The following PDZD2 variants were observed in gnomAD, a reference collection of about 807,000 sequenced individuals.
PDZD2 encodes the protein PDZ domain containing 2.
In PDZD2, 90 loss-of-function variants were observed where a neutral mutation model predicts 220.7. The ratio of observed to expected loss-of-function variants is 0.41; its 90% CI spans 0.34 to 0.49. PDZD2 has a LOEUF of 0.49. PDZD2 is among the 20% of genes least tolerant of loss of function. The probability of loss-of-function intolerance (pLI) is 0.28; values close to 1 mark genes in which losing one functional copy is unlikely to be tolerated. For synonymous variants in PDZD2, 1,375 were observed against 1,450.5 expected, an observed-to-expected ratio of 0.95 and a Z score of 1.18; for missense variants, 3,174 against 3,608.5, an observed-to-expected ratio of 0.88 and a Z score of 3.08.
chr5:31,727,694 T>C, intron 1 of PDZD2, among the ~76,000 whole-genome samples: 1 of 90,666 alleles, frequency 1.1e-5, no homozygotes, highest in African/African-American at 4.5e-5. Context: ...GTAGCAAAGC[T>C]CAATCTCAAA....
rs764152877 is a variant in PDZD2 at position 32,061,125 on chromosome 5, T to A, written c.2442T>A (p.Pro814=). ...GPVRLVIGRH[P]NPKVSEQEMD... The stretch of plus-strand genomic sequence containing the variant: ...TTCGCCTTGTCATCGGCCGGCACCC[T>A]AATCCAAAGGTGAGGTGGTCCACCC... Residue 814 remains proline (P), a synonymous_variant, in exon 14 of 25, where the codon CCT becomes CCA. Coordinates refer to ENST00000438447, the MANE Select transcript of PDZD2 (RefSeq NM_178140.4). The A allele has an allele frequency of 6.2e-7, 1 of 1,614,108 alleles. No homozygotes were observed. The highest frequency in any genetic ancestry group is 1.1e-5 in the South Asian group (1 of 91,082).
chr5:32,012,297 A>AT (rs1171750768), intron 6 of PDZD2, among the ~76,000 whole-genome samples: 1 of 152,052 alleles, frequency 6.6e-6, no homozygotes, highest in African/African-American at 2.4e-5. Flanking sequence ...GCACGTCTGC[A>AT]CCCCCTCTGC....
chr5:31,709,833 G>A lies in PDZD2; in HGVS notation c.-361+70396G>A, dbSNP rs1223323753. ...TAACCTGGCATGGTGGCACACGCCT[G>A]TAATCCCAGCTACTCGGGAGGCTGA... On this transcript the variant is annotated intron_variant, in intron 1 of 24. Coordinates refer to ENST00000438447, the MANE Select transcript of PDZD2 (RefSeq NM_178140.4). Among the ~76,000 whole-genome samples the A allele has an allele frequency of 5.9e-5, 9 of 152,222 alleles. No homozygotes were observed. The South Asian group carries it at 1.5e-3, about 25-fold the overall frequency.
intron 2 of PDZD2, among the ~76,000 whole-genome samples, chr5:31,931,460 A>G (rs62363766): frequency 0.095 from 14,419 of 152,182 alleles, 757 homozygotes; most frequent in African/African-American, 0.12. Flanking sequence ...GCCTGGCCGC[A>G]TAGTAGATTT....
At chr5:31,823,240 GT>G (rs1756011312) in intron 2 of PDZD2, 3 of 348,586 alleles carry the variant, frequency 8.6e-6, no homozygotes, top group South Asian at 7.1e-5. Context: ...GCCAAGGCAG[GT>G]AGATCACGAG....
rs368324876 is a variant in PDZD2 at position 32,074,659 on chromosome 5, T to C, written c.3537+16T>C. The C allele has an allele frequency of 1.4e-5, 22 of 1,547,260 alleles. No homozygotes were observed. The African/African-American group carries it at 2.6e-4, about 18-fold the overall frequency. On this transcript the variant is annotated intron_variant, in intron 18 of 24. Transcript: ENST00000438447. The stretch of plus-strand genomic sequence containing the variant: ...TGTGGAGAAGGTAACTGACTTTCTC[T>C]TAGTTACTTGGAATGGAAGTGCATG...
rs190502699 is a variant in PDZD2, at chr5:31,845,371, C to T, written c.476+45647C>T. 3.9e-5 allele frequency among the ~76,000 whole-genome samples: 6 copies of T among 152,322 alleles called. 1 individual carries two copies. The highest frequency in any genetic ancestry group is 7.2e-5 in the African/African-American group (3 of 41,566). The stretch of plus-strand genomic sequence containing the variant: ...AACCTAGGTCTTTCTTATTCCACTA[C>T]GTCTCCACACTGCCATATAACACAC... On this transcript the variant is annotated intron_variant, in intron 2 of 24. Transcript: ENST00000438447.
At chr5:31,673,061 A>T (rs1746277903) in intron 1 of PDZD2, among the ~76,000 whole-genome samples, 1 of 152,214 alleles carries the variant, frequency 6.6e-6, no homozygotes, top group South Asian at 2.1e-4. Flanking sequence ...AAAAGTGGCT[A>T]CTGCCCTGTA....
In PDZD2 at chr5:32,089,277, T is replaced by C. The variant is rs138539178; in HGVS notation, c.5829T>C (p.Pro1943=). The C allele has an allele frequency of 6.3e-5, 101 of 1,614,144 alleles. No individual in the cohort carries two copies. In the African/African-American group the frequency reaches 1.2e-3, roughly 19 times the overall value. The change falls in exon 20 of 25, where the codon CCT becomes CCC. Residue 1943 remains proline, a synonymous_variant. Coordinates refer to ENST00000438447, the MANE Select transcript of PDZD2 (RefSeq NM_178140.4). ...TCCATGTAGCCGACCACGAGGACCC[T>C]GACAGAAACACCACAGCTGCCCCCA... The part of the protein sequence containing the change: ...QRLHVADHED[P]DRNTTAAPRS...
intron 14 of PDZD2, among the ~76,000 whole-genome samples, chr5:32,067,787 T>C (rs960850807): frequency 6.6e-6 from 1 of 152,172 alleles, no homozygotes; most frequent in African/African-American, 2.4e-5. Context: ...ATGACAGTTA[T>C]GGATAACAAC....
rs556276502 is a variant in PDZD2 at position 32,014,706 on chromosome 5, C to CTTTTTTTTTTTTTTTTTTTTTTT, written c.1407+4230_1407+4252dup. ...ATTTTCTGCTCTGCAATGACAATTT[C>CTTTTTTTTTTTTTTTTTTTTTTT]TTTTTTTTTTTTTTTTTTTTTTTTT... On this transcript the variant is annotated intron_variant, in intron 6 of 24. Coordinates refer to ENST00000438447, the MANE Select transcript of PDZD2 (RefSeq NM_178140.4). 6.7e-4 allele frequency among the ~76,000 whole-genome samples: 64 copies of CTTTTTTTTTTTTTTTTTTTTTTT among 95,430 alleles called. 17 individuals are homozygous for CTTTTTTTTTTTTTTTTTTTTTTT. The highest frequency in any genetic ancestry group is 2.6e-3 in the African/African-American group (59 of 22,906). 62.6% of individuals were successfully genotyped at this position (95,430 alleles called of 152,430 possible).
Position 31,750,494 on chromosome 5 carries a change from G to C in PDZD2, c.-360-48395G>C, listed in dbSNP as rs1444407486. 2.0e-5 allele frequency among the ~76,000 whole-genome samples: 3 copies of C among 152,332 alleles called. No homozygotes were observed. The East Asian group carries it at 5.8e-4, about 29-fold the overall frequency. On this transcript the variant is annotated intron_variant, in intron 1 of 24. Transcript: ENST00000438447. Reference sequence around the variant, plus strand: ...CTGTCCCCGTGGAGGTAGAGGAGAGGAGACAAAGCATGAACACAATGTGCA... The same window carrying C: ...CTGTCCCCGTGGAGGTAGAGGAGAGCAGACAAAGCATGAACACAATGTGCA...
At chr5:31,859,415 A>G (rs1737479129) in intron 2 of PDZD2, among the ~76,000 whole-genome samples, 1 of 152,082 alleles carries the variant, frequency 6.6e-6, no homozygotes. Flanking sequence ...TTCCTGGGAA[A>G]TTTCCTCATT....
intron 1 of PDZD2, among the ~76,000 whole-genome samples, chr5:31,694,360 G>A (rs1323822046): frequency 6.6e-6 from 1 of 152,064 alleles, no homozygotes; most frequent in Non-Finnish European, 1.5e-5. Flanking sequence ...TCACTGTACT[G>A]TAGCCTGGGC....
rs1743948913 is a variant in PDZD2 at position 32,098,517 on chromosome 5, C to A, written c.8101C>A (p.Leu2701Ile). Reference sequence around the variant, plus strand: ...CCAGGCACAGCTGCACAAAGATGCCCTCGTGGTCATCAAGAAAGGGATGGA... The same window carrying A: ...CCAGGCACAGCTGCACAAAGATGCCATCGTGGTCATCAAGAAAGGGATGGA... Reference protein sequence around the residue: ...LHQAQLHKDALVVIKKGMDQP... With the variant: ...LHQAQLHKDAIVVIKKGMDQP... The change falls in exon 23 of 25, where the codon CTC (leucine) becomes ATC (isoleucine). Residue 2701 changes from leucine to isoleucine, a missense_variant. Physicochemically the swap from Leu to Ile is conservative, Grantham distance 5. Coordinates refer to ENST00000438447, the MANE Select transcript of PDZD2 (RefSeq NM_178140.4). This position sits in a 1 kb window ranked among gnomAD's most constrained non-coding sequence, Gnocchi z 4.1. 1.2e-6 allele frequency: 2 copies of A among 1,614,166 alleles called. No individual in the cohort carries two copies. Among genetic ancestry groups the A allele is most frequent in the Non-Finnish European group, 1.7e-6 (2 of 1,180,024 alleles).
intron 1 of PDZD2, chr5:31,748,211 T>C (rs1367383294): frequency 6.6e-6 from 1 of 152,068 alleles, no homozygotes; most frequent in Non-Finnish European, 1.5e-5. Context: ...ATCAGACAAA[T>C]AATATCCTTG....
Position 32,090,092 on chromosome 5 carries a change from C to G in PDZD2, c.6644C>G (p.Thr2215Ser). ...TCGGGGGAGGACCATCTCTACTTCA[C>G]CCCAAGGCCAGCGACCAGGACCTAC... ...GPSGEDHLYF[T>S]PRPATRTYSM... Residue 2215 changes from threonine (T) to serine (S), a missense_variant, in exon 20 of 25, where the codon ACC (threonine) becomes AGC (serine). Transcript: ENST00000438447. The surrounding 1 kb of genome is among the most constrained non-coding windows in gnomAD (Gnocchi z 4.3). 1 of 1,613,854 alleles carries G rather than the reference C, an allele frequency of 6.2e-7. No homozygotes were observed. The highest frequency in any genetic ancestry group is 1.3e-5 in the African/African-American group (1 of 75,048).
chr5:31,928,733 A>G (rs1745007788), intron 2 of PDZD2, among the ~76,000 whole-genome samples: 1 of 152,110 alleles, frequency 6.6e-6, no homozygotes, highest in Non-Finnish European at 1.5e-5. Context: ...CGACTTCCCA[A>G]AGTGTTGGGA....
intron 2 of PDZD2, among the ~76,000 whole-genome samples, chr5:31,867,586 G>T (rs1213637478): frequency 2.0e-5 from 3 of 152,028 alleles, no homozygotes; most frequent in Non-Finnish European, 2.9e-5. Context: ...CAAGGACCAG[G>T]GTATCAGGTG....
Sources: allele counts gnomAD v4.1 joint callset (sites outside exome capture counted in the v4.1 genomes callset), GRCh38; gene constraint gnomAD v4.1.1; non-coding constraint Gnocchi (gnomAD v3.1); transcripts MANE v1.5; gene names NCBI Gene and HGNC (gene_info 2026-07-23, HGNC 2026-07-21).